BBX: variants seen among roughly 807,000 people sequenced by gnomAD.
The protein encoded by BBX is HMG box transcription factor BBX.
A neutral mutation model predicts 100.2 loss-of-function variants in BBX; 30 were observed. The observed-to-expected ratio is 0.30, with a 90% CI of 0.22 to 0.41. The LOEUF is 0.41. Among genes scored for constraint, BBX ranks in the 10% least tolerant of loss-of-function variants. The probability of loss-of-function intolerance (pLI) is 1.00; values close to 1 mark genes in which losing one functional copy is unlikely to be tolerated. For synonymous variants in BBX, 376 were observed against 388.1 expected (o/e 0.97, Z 0.37); for missense variants, 1,023 against 1,129.8 (o/e 0.91, Z 1.35).
At chr3:107,537,599 C>G (rs571048142) in intron 2 of BBX, among the ~76,000 whole-genome samples, 1 of 152,208 alleles carries the variant, frequency 6.6e-6, no homozygotes, top group Non-Finnish European at 1.5e-5. Flanking sequence ...TCTGTGCTTA[C>G]AGTTGTGTTT....
intron 5 of BBX, among the ~76,000 whole-genome samples, chr3:107,725,225 A>G (rs113702497): frequency 0.31 from 47,844 of 151,964 alleles, 8,729 homozygotes; most frequent in African/African-American, 0.5. Flanking sequence ...TTATTGGTGT[A>G]TAAGAATGCT....
At chr3:107,661,843 C>T in intron 3 of BBX, 5 of 984,688 alleles carry the variant, frequency 5.1e-6, no homozygotes, top group Non-Finnish European at 6.0e-6. Flanking sequence ...CTCAGGAAGA[C>T]CCCAAGCCTC....
intron 2 of BBX, among the ~76,000 whole-genome samples, chr3:107,603,375 T>G (rs1225554181): frequency 6.6e-6 from 1 of 151,916 alleles, no homozygotes; most frequent in Non-Finnish European, 1.5e-5. Context: ...TGTCATCTTA[T>G]TTTTTATTTA....
rs369857140 is a variant in BBX at position 107,573,428 on chromosome 3, A to G, written c.-84+47030A>G. Among the ~76,000 whole-genome samples, 157 of 152,106 alleles carry G rather than the reference A, an allele frequency of 1.0e-3. 1 individual carries two copies. Among genetic ancestry groups the G allele is most frequent in the African/African-American group, 3.7e-3 (155 of 41,508 alleles). On this transcript the variant is annotated intron_variant, in intron 2 of 17. Coordinates refer to ENST00000325805, the MANE Select transcript of BBX (RefSeq NM_001142568.3). ...CAAAAATTAGCCGGGCTTGGCGGGC[A>G]TCTGTAGTCCCAGCTGCTCGGGAGG...
At chr3:107,586,443 T>C (rs1347450512) in intron 2 of BBX, among the ~76,000 whole-genome samples, 1 of 152,190 alleles carries the variant, frequency 6.6e-6, no homozygotes, top group Non-Finnish European at 1.5e-5. Context: ...ACCTAGTTTT[T>C]AATGTGAATT....
intron 2 of BBX, among the ~76,000 whole-genome samples, chr3:107,563,382 A>C (rs1049827568): frequency 6.6e-6 from 1 of 152,192 alleles, no homozygotes; most frequent in Non-Finnish European, 1.5e-5. Context: ...AAATATCTCT[A>C]TACAAAGCCT....
chr3:107,716,664 G>A lies in BBX; in HGVS notation c.220G>A (p.Glu74Lys). 1 of 1,613,770 alleles carries A rather than the reference G, an allele frequency of 6.2e-7. No individual in the cohort carries two copies. Residue 74 changes from glutamate to lysine, a missense_variant, in exon 5 of 18, where the codon GAA becomes AAA. By Grantham distance (56) the Glu-to-Lys change is moderately conservative. Coordinates refer to ENST00000325805, the MANE Select transcript of BBX (RefSeq NM_001142568.3). ...EQDVGETEDD[E>K]SPEQRARRPM... ...AGATGTTGGTGAAACTGAAGATGAT[G>A]AATCACCAGAGCAGCGAGCCCGGAG...
At chr3:107,707,118 A>G (rs1348517425) in intron 3 of BBX, among the ~76,000 whole-genome samples, 1 of 152,202 alleles carries the variant, frequency 6.6e-6, no homozygotes, top group East Asian at 1.9e-4. Flanking sequence ...TCTGAGGTAT[A>G]CCATTTCCAA....
intron 2 of BBX, among the ~76,000 whole-genome samples, chr3:107,590,796 A>G (rs968021729): frequency 2.0e-5 from 3 of 151,962 alleles, no homozygotes; most frequent in Non-Finnish European, 2.9e-5. Flanking sequence ...TATTTACTTG[A>G]TATTTACTCC....
At chr3:107,673,671 C>T (rs912096421) in intron 3 of BBX, among the ~76,000 whole-genome samples, 12 of 151,848 alleles carry the variant, frequency 7.9e-5, no homozygotes, top group Non-Finnish European at 1.6e-4. Context: ...TAGAGACAAC[C>T]GGATAATTAT....
At chr3:107,558,934 AAG>A (rs2050281916) in intron 2 of BBX, among the ~76,000 whole-genome samples, 1 of 152,222 alleles carries the variant, frequency 6.6e-6, no homozygotes, top group Non-Finnish European at 1.5e-5. Flanking sequence ...ATTATCATGG[AAG>A]AGATGTCATT....
intron 5 of BBX, among the ~76,000 whole-genome samples, chr3:107,723,124 C>T (rs1443134794): frequency 1.3e-5 from 2 of 151,940 alleles, no homozygotes; most frequent in Admixed American, 1.3e-4. Context: ...GCACCAGAGT[C>T]GTCTATCTTT....
In BBX at chr3:107,714,544, A is replaced by G. The variant is rs186902485; in HGVS notation, c.163-2063A>G. On this transcript the variant is annotated intron_variant, in intron 4 of 17. Coordinates refer to ENST00000325805, the MANE Select transcript of BBX (RefSeq NM_001142568.3). The stretch of plus-strand genomic sequence containing the variant: ...TTGCTTCTTCATCTTATATATTAAT[A>G]GTACACTTTTTAGTTTTTTTTAGCT... 2.6e-5 allele frequency among the ~76,000 whole-genome samples: 4 copies of G among 152,320 alleles called. No homozygotes were observed. The East Asian group carries it at 7.7e-4, about 29-fold the overall frequency.
intron 2 of BBX, among the ~76,000 whole-genome samples, chr3:107,558,774 A>G (rs1228576254): frequency 6.6e-6 from 1 of 152,178 alleles, no homozygotes; most frequent in Non-Finnish European, 1.5e-5. Context: ...ATTTGAATTC[A>G]AGCAGCCTAG....
chr3:107,701,291 G>A (rs1358893548), intron 3 of BBX, among the ~76,000 whole-genome samples: 1 of 152,168 alleles, frequency 6.6e-6, no homozygotes, highest in Non-Finnish European at 1.5e-5. Context: ...CTAGGGAACG[G>A]AAGACCTTGT....
At chr3:107,726,700 A>C (rs2062970273) in intron 5 of BBX, among the ~76,000 whole-genome samples, 1 of 152,066 alleles carries the variant, frequency 6.6e-6, no homozygotes. Flanking sequence ...GAGCCAGGGG[A>C]AGCCATGGTC....
At position 107,716,648 on chromosome 3, in the gene BBX, T is replaced by TGG. The variant is rs1483493215; in HGVS notation, c.205_206insGG (p.Glu69GlyfsTer17). On this transcript the variant is annotated frameshift_variant, in exon 5 of 18. Transcript: ENST00000325805. LOFTEE classifies it high-confidence loss of function. ...CCGATGGCCTAGAGCAAGATGTTGG[T>TGG]GAAACTGAAGATGATGAATCACCAG... is the stretch of plus-strand genomic sequence containing the variant. 1 of 1,613,642 alleles carries TGG rather than the reference T, an allele frequency of 6.2e-7. No homozygotes were observed. The highest frequency in any genetic ancestry group is 1.7e-5 in the Admixed American group (1 of 59,946).
intron 10 of BBX, among the ~76,000 whole-genome samples, chr3:107,756,391 A>G (rs761183447): frequency 6.6e-6 from 1 of 152,146 alleles, no homozygotes; most frequent in Non-Finnish European, 1.5e-5. Context: ...TGTTGGTAAG[A>G]TAAATTAGGA....
At chr3:107,700,919 AT>A (rs2060998002) in intron 3 of BBX, among the ~76,000 whole-genome samples, 1 of 151,752 alleles carries the variant, frequency 6.6e-6, no homozygotes, top group African/African-American at 2.4e-5. Context: ...ATGTGTCTTT[AT>A]AGCAGCATGA....
Sources: gnomAD v4.1 joint callset for allele counts (sites outside exome capture counted in the v4.1 genomes callset) on GRCh38, gnomAD v4.1.1 for gene constraint, MANE v1.5 for transcripts, NCBI Gene and HGNC (gene_info 2026-07-23, HGNC 2026-07-21) for gene names.